MINK1: variants seen among roughly 807,000 people sequenced by gnomAD.
The protein encoded by MINK1 is misshapen-like kinase 1.
MINK1 carries 46 observed loss-of-function variants against 178.4 expected under a neutral mutation model. The ratio of observed to expected loss-of-function variants is 0.26; its 90% CI spans 0.20 to 0.33. MINK1 has a LOEUF of 0.33. MINK1 is among the 10% of genes least tolerant of loss of function. MINK1 has a pLI of 1.00. For missense variants in MINK1, 1,366 were observed against 1,814.9 expected (o/e 0.75, Z 4.49); for synonymous variants, 797 against 709.7 (o/e 1.12, Z -1.96).
At chr17:4,848,887 A>G (rs978922075) in intron 1 of MINK1, among the ~76,000 whole-genome samples, 1 of 152,210 alleles carries the variant, frequency 6.6e-6, no homozygotes, top group African/African-American at 2.4e-5. Context: ...AGGGATGTAA[A>G]GTGCTTAGTC....
chr17:4,860,826 G>T (rs528369921), intron 1 of MINK1: 4 of 518,418 alleles, frequency 7.7e-6, no homozygotes, highest in African/African-American at 7.7e-5. Context: ...ACCAGTGCGC[G>T]CCACGTGCTG....
At position 4,896,599 on chromosome 17, in the gene MINK1, T is replaced by A. The variant is rs371374192; in HGVS notation, c.3775+11T>A. 2.7e-5 allele frequency: 44 copies of A among 1,613,586 alleles called. No homozygotes were observed. In the African/African-American group the frequency reaches 4.8e-4, roughly 18 times the overall value. On this transcript the variant is annotated intron_variant, in intron 30 of 31. Coordinates refer to ENST00000355280, the MANE Select transcript of MINK1 (RefSeq NM_153827.5). The surrounding 1 kb of genome is among the most constrained non-coding windows in gnomAD (Gnocchi z 4.6). ...TGCCTACTTCTGTGGGTGAGTGAGC[T>A]GCCGCCCTCCCAGCCACATGCCCCG...
intron 1 of MINK1, among the ~76,000 whole-genome samples, chr17:4,867,575 G>A (rs1256853772): frequency 2.6e-5 from 4 of 152,090 alleles, no homozygotes; most frequent in South Asian, 2.1e-4. Context: ...TAAGGTGGGC[G>A]GATCACCTGA....
Position 4,887,687 on chromosome 17 carries a change from A to T in MINK1, c.1127A>T (p.Gln376Leu), listed in dbSNP as rs1190252693. The change falls in exon 12 of 32, where the codon CAG becomes CTG. Residue 376 changes from glutamine (Q) to leucine (L), a missense_variant. Gln to Leu is a moderately radical substitution (Grantham distance 113). Coordinates refer to ENST00000355280, the MANE Select transcript of MINK1 (RefSeq NM_153827.5). The surrounding 1 kb of genome is among the most constrained non-coding windows in gnomAD (Gnocchi z 7.6). ...SEALKQQQQL[Q>L]QQQQRDPEAH... ...GCTTTAAAACAGCAGCAGCAGCTGC[A>T]GCAGCAGCAGCAGCGAGACCCCGAG... 7 of 1,517,598 alleles carry T rather than the reference A, an allele frequency of 4.6e-6. No homozygotes were observed. The highest frequency in any genetic ancestry group is 6.2e-6 in the Non-Finnish European group (7 of 1,129,116). 94.0% of individuals were successfully genotyped at this position (1,517,598 alleles called of 1,614,324 possible).
rs1344996978 is a variant in MINK1, at chr17:4,895,900, A to G, written c.3364+68A>G. 21 of 1,584,116 alleles carry G rather than the reference A, an allele frequency of 1.3e-5. No homozygotes were observed. Among genetic ancestry groups the G allele is most frequent in the Non-Finnish European group, 1.7e-5 (20 of 1,163,688 alleles). ...GAAGAGAGAAATGGATCTGGGAGCCAGGGACTTGGGGCCTGGGTGGGGCAG... is the reference window on the plus strand; with the variant it reads ...GAAGAGAGAAATGGATCTGGGAGCCGGGGACTTGGGGCCTGGGTGGGGCAG... On this transcript the variant is annotated intron_variant, in intron 27 of 31. Transcript: ENST00000355280. This position sits in a 1 kb window ranked among gnomAD's most constrained non-coding sequence, Gnocchi z 4.3.
chr17:4,896,495 C>T lies in MINK1; in HGVS notation c.3682C>T (p.Leu1228=). 1.9e-6 allele frequency: 3 copies of T among 1,613,972 alleles called. No homozygotes were observed. The highest frequency in any genetic ancestry group is 1.1e-5 in the South Asian group (1 of 91,082). ...LPNTDGMEML[L]CYEDEGVYVN... ...CAACACCGACGGCATGGAGATGCTG[C>T]TGTGCTACGAGGACGAGGGTGTCTA... is the stretch of plus-strand genomic sequence containing the variant. Residue 1228 remains leucine (L), a synonymous_variant, in exon 30 of 32, where the codon CTG becomes TTG. Coordinates refer to ENST00000355280, the MANE Select transcript of MINK1 (RefSeq NM_153827.5). This position sits in a 1 kb window ranked among gnomAD's most constrained non-coding sequence, Gnocchi z 4.6.
chr17:4,864,714 A>G (rs1393187056), intron 1 of MINK1, among the ~76,000 whole-genome samples: 1 of 152,112 alleles, frequency 6.6e-6, no homozygotes, highest in Non-Finnish European at 1.5e-5. Flanking sequence ...GACAAGAGTG[A>G]GACTCCATCT....
At chr17:4,848,623 G>A (rs575253004) in intron 1 of MINK1, among the ~76,000 whole-genome samples, 89 of 152,296 alleles carry the variant, frequency 5.8e-4, no homozygotes, top group African/African-American at 2.1e-3. Context: ...GCCTCCCAAA[G>A]TGCTGGGATT....
At position 4,886,178 on chromosome 17, in the gene MINK1, C is replaced by T; in HGVS notation, c.753C>T (p.Pro251=). 2 of 1,614,024 alleles carry T rather than the reference C, an allele frequency of 1.2e-6. No individual in the cohort carries two copies. The highest frequency in any genetic ancestry group is 1.7e-6 in the Non-Finnish European group (2 of 1,179,888). ...TCCTCATTCCTCGGAACCCTCCGCC[C>T]AGGCTCAAGTCCAAGAAGTGGTAGG... ...ALFLIPRNPP[P]RLKSKKWSKK... The change falls in exon 9 of 32, where the codon CCC becomes CCT. Residue 251 remains proline (P), a synonymous_variant. Coordinates refer to ENST00000355280, the MANE Select transcript of MINK1 (RefSeq NM_153827.5). This position sits in a 1 kb window ranked among gnomAD's most constrained non-coding sequence, Gnocchi z 6.1.
Position 4,893,575 on chromosome 17 carries a change from A to G in MINK1, c.2542A>G (p.Ser848Gly). Residue 848 changes from serine to glycine, a missense_variant, in exon 21 of 32, where the codon AGC becomes GGC. Ser to Gly is a moderately conservative substitution (Grantham distance 56). Around this residue, in one of 14 missense-constraint regions of MINK1, gnomAD observed 709 missense variants for 692.3 expected, o/e 1.02. Transcript: ENST00000355280. Reference protein sequence around the residue: ...EEGEGGPAEGSRDTPGGRSDG... With the variant: ...EEGEGGPAEGGRDTPGGRSDG... ...AGGCGAAGGCGGGCCAGCAGAGGGG[A>G]GCAGAGATACCCCTGGGGGCCGGTA... The G allele has an allele frequency of 6.4e-7, 1 of 1,563,496 alleles. No individual in the cohort carries two copies. The highest frequency in any genetic ancestry group is 8.7e-7 in the Non-Finnish European group (1 of 1,150,402).
chr17:4,846,077 C>G (rs1209475987), intron 1 of MINK1, among the ~76,000 whole-genome samples: 1 of 152,234 alleles, frequency 6.6e-6, no homozygotes, highest in Admixed American at 6.5e-5. Flanking sequence ...CACACTTATT[C>G]TCCAGGTGGC....
chr17:4,868,215 G>T (rs1915334405), intron 1 of MINK1, among the ~76,000 whole-genome samples: 1 of 152,120 alleles, frequency 6.6e-6, no homozygotes, highest in Non-Finnish European at 1.5e-5. Context: ...GACCTCAGGT[G>T]GTCCACCTTC....
intron 1 of MINK1, among the ~76,000 whole-genome samples, chr17:4,849,392 G>C (rs530934920): frequency 4.6e-4 from 70 of 152,288 alleles, no homozygotes; most frequent in African/African-American, 1.5e-3. Flanking sequence ...ACAAGACATT[G>C]GCACAGAAAT....
intron 4 of MINK1, among the ~76,000 whole-genome samples, chr17:4,882,491 G>A (rs1415170546): frequency 1.3e-5 from 2 of 152,166 alleles, no homozygotes; most frequent in Non-Finnish European, 2.9e-5. Context: ...GTTCCCTGTT[G>A]CAGCTGTCGA....
At chr17:4,871,089 T>C in intron 1 of MINK1, 1 of 366,552 alleles carries the variant, frequency 2.7e-6, no homozygotes, top group South Asian at 2.0e-5. Flanking sequence ...CTTTTGTGAC[T>C]AGCTTCTTTC....
At position 4,896,846 on chromosome 17, in the gene MINK1, G is replaced by C; in HGVS notation, c.3915+33G>C. ...GCTCCTTCCCTCTGAAAGCCCTGCT[G>C]TCCCGGCTGCCATGACCCTAGGCCC... On this transcript the variant is annotated intron_variant, in intron 31 of 31. Transcript: ENST00000355280. This position sits in a 1 kb window ranked among gnomAD's most constrained non-coding sequence, Gnocchi z 4.6. 1 of 1,535,500 alleles carries C rather than the reference G, an allele frequency of 6.5e-7. No individual in the cohort carries two copies.
chr17:4,896,846 G>T lies in MINK1; in HGVS notation c.3915+33G>T, dbSNP rs749213157. ...GCTCCTTCCCTCTGAAAGCCCTGCT[G>T]TCCCGGCTGCCATGACCCTAGGCCC... On this transcript the variant is annotated intron_variant, in intron 31 of 31. Coordinates refer to ENST00000355280, the MANE Select transcript of MINK1 (RefSeq NM_153827.5). This position sits in a 1 kb window ranked among gnomAD's most constrained non-coding sequence, Gnocchi z 4.6. 2 of 1,535,500 alleles carry T rather than the reference G, an allele frequency of 1.3e-6. No homozygotes were observed. The highest frequency in any genetic ancestry group is 2.1e-5 in the Admixed American group (1 of 48,758).
chr17:4,894,287 A>C lies in MINK1; in HGVS notation c.2784A>C (p.Pro928=), dbSNP rs1197225577. The change falls in exon 23 of 32, where the codon CCA becomes CCC. Residue 928 remains proline, a synonymous_variant. Transcript: ENST00000355280. The surrounding 1 kb of genome is among the most constrained non-coding windows in gnomAD (Gnocchi z 4.1). ...SPTENSKGQS[P]PSKDGSGDYQ... The stretch of plus-strand genomic sequence containing the variant: ...CCGAGAACAGCAAAGGCCAAAGCCC[A>C]CCCTCGAAGGATGGGAGTGGTGACG... The C allele has an allele frequency of 1.2e-6, 2 of 1,612,746 alleles. No homozygotes were observed. Among genetic ancestry groups the C allele is most frequent in the Admixed American group, 1.7e-5 (1 of 59,914 alleles).
chr17:4,855,190 T>TAAA (rs151257228), intron 1 of MINK1, among the ~76,000 whole-genome samples: 72 of 130,178 alleles, frequency 5.5e-4, no homozygotes, highest in Admixed American at 7.1e-4. Flanking sequence ...ACTCCTGTCT[T>TAAA]AAAAAAAAAA....
Sources: allele counts gnomAD v4.1 joint callset (sites outside exome capture counted in the v4.1 genomes callset), GRCh38; gene constraint gnomAD v4.1.1; regional missense constraint gnomAD v4.1.1; non-coding constraint Gnocchi (gnomAD v3.1); transcripts MANE v1.5; gene names NCBI Gene and HGNC (gene_info 2026-07-23, HGNC 2026-07-21).